Variants in PIK3C2B observed in about 807,000 individuals in gnomAD.
PIK3C2B encodes the protein phosphatidylinositol 4-phosphate 3-kinase C2 domain-containing subunit beta.
PIK3C2B carries 83 observed loss-of-function variants against 184.3 expected under a neutral mutation model. That is an observed-to-expected ratio of 0.45 (90% CI 0.38 to 0.54). The LOEUF (loss-of-function observed/expected upper bound fraction) is 0.54, where lower values mean the gene tolerates loss of function less well. PIK3C2B is among the 20% of genes least tolerant of loss of function. The pLI is 0.00. For synonymous variants in PIK3C2B, 779 were observed against 837.6 expected (o/e 0.93, Z 1.21); for missense variants, 1,736 against 2,113.5 (o/e 0.82, Z 3.50).
At chr1:204,440,427 C>A (rs1675587515) in intron 21 of PIK3C2B, 106 bp from the exon 22 acceptor site, 1 of 1,220,714 alleles carries the variant, frequency 8.2e-7, no homozygotes, top group Non-Finnish European at 1.1e-6. Context: ...ACAGGGAGTT[C>A]CCCAGCCTCA....
chr1:204,484,008 G>A (rs767911718), intron 1 of PIK3C2B, among the ~76,000 whole-genome samples: 3 of 152,272 alleles, frequency 2.0e-5, no homozygotes, highest in Non-Finnish European at 4.4e-5. Flanking sequence ...CACCTTTCCC[G>A]TGTATGTGCC....
chr1:204,436,630 CTG>C (rs1558236237), intron 23 of PIK3C2B, among the ~76,000 whole-genome samples: 1 of 152,192 alleles, frequency 6.6e-6, no homozygotes, highest in African/African-American at 2.4e-5. Flanking sequence ...TAGTTTCTCT[CTG>C]TGTGTATTCT....
Position 204,424,606 on chromosome 1 carries a change from T to G in PIK3C2B, c.*246A>C. ...TTGACACAAGGTAAACTTAAAACTT[T>G]GCTGCAACCTCACAGCCTCCAAGGG... is the stretch of plus-strand genomic sequence containing the variant. On this transcript the variant is annotated 3_prime_UTR_variant, in exon 33 of 33. Coordinates refer to ENST00000684373, the MANE Select transcript of PIK3C2B (RefSeq NM_001377334.1). 2.9e-6 allele frequency: 2 copies of G among 694,584 alleles called. No individual in the cohort carries two copies. The highest frequency in any genetic ancestry group is 2.7e-5 in the South Asian group (2 of 73,032). The allele number at this position is 694,584 out of a possible 1,614,324, so 43.0% of individuals were successfully genotyped here.
At chr1:204,465,933 G>A (rs1053595568) in intron 2 of PIK3C2B, among the ~76,000 whole-genome samples, 1 of 152,246 alleles carries the variant, frequency 6.6e-6, no homozygotes, top group African/African-American at 2.4e-5. Flanking sequence ...CCTGGTAGAA[G>A]CTTGGCTCCT....
chr1:204,428,689 G>A (rs1322542150), intron 29 of PIK3C2B, among the ~76,000 whole-genome samples: 1 of 151,960 alleles, frequency 6.6e-6, no homozygotes, highest in African/African-American at 2.4e-5. Context: ...AGACATGTTG[G>A]CCAGGCTGGT....
intron 1 of PIK3C2B, among the ~76,000 whole-genome samples, chr1:204,472,214 A>C (rs1490801653): frequency 6.7e-6 from 1 of 148,578 alleles, no homozygotes; most frequent in African/African-American, 2.5e-5. Flanking sequence ...CCCAGGCTGG[A>C]GTGCAGTGGC....
At chr1:204,479,994 C>T (rs895860089) in intron 1 of PIK3C2B, among the ~76,000 whole-genome samples, 6 of 152,188 alleles carry the variant, frequency 3.9e-5, no homozygotes, top group Admixed American at 3.9e-4. Flanking sequence ...GAGGAGCTGC[C>T]TCCGCAGGTC....
chr1:204,479,438 C>T (rs566375369), intron 1 of PIK3C2B, among the ~76,000 whole-genome samples: 7 of 152,258 alleles, frequency 4.6e-5, no homozygotes, highest in Non-Finnish European at 1.0e-4. Context: ...AGGAGACCAC[C>T]GAGGGAACTT....
intron 1 of PIK3C2B, chr1:204,489,969 G>A (rs2103542216): frequency 5.0e-6 from 2 of 396,694 alleles, no homozygotes; most frequent in East Asian, 7.1e-5. Flanking sequence ...TGGCTGGAGA[G>A]AATGCTTCCA....
Position 204,445,941 on chromosome 1 carries a change from G to T in PIK3C2B, c.2678+15C>A. On this transcript the variant is annotated intron_variant, in intron 16 of 32. Transcript: ENST00000684373. ...CAAGAACACATAGTCAGAAAAGGCA[G>T]ATGTTACAACTCACGTGGCATGCAG... The T allele has an allele frequency of 6.8e-7, 1 of 1,479,346 alleles. No homozygotes were observed. Among genetic ancestry groups the T allele is most frequent in the Non-Finnish European group, 9.1e-7 (1 of 1,102,426 alleles). The allele number at this position is 1,479,346 out of a possible 1,614,324, so 91.6% of individuals were successfully genotyped here.
At chr1:204,432,176 G>A (rs1418064274) in intron 27 of PIK3C2B, 24 bp downstream of exon 27, 3 of 1,600,674 alleles carry the variant, frequency 1.9e-6, no homozygotes, top group African/African-American at 2.7e-5. Flanking sequence ...CAGGAAAGGG[G>A]GTCAGATTGG....
intron 29 of PIK3C2B, among the ~76,000 whole-genome samples, chr1:204,429,283 A>C (rs534608195): frequency 6.6e-6 from 1 of 152,264 alleles, no homozygotes; most frequent in East Asian, 1.9e-4. Context: ...GGGAAAAAAA[A>C]CACATACTCT....
At chr1:204,466,015 C>G (rs1655749557) in intron 2 of PIK3C2B, among the ~76,000 whole-genome samples, 3 of 152,236 alleles carry the variant, frequency 2.0e-5, no homozygotes, top group Admixed American at 2.0e-4. Context: ...CTTCCTCTCT[C>G]AAAATACGTG....
chr1:204,425,720 C>A lies in PIK3C2B; in HGVS notation c.4609G>T (p.Asp1537Tyr), dbSNP rs1674706977. 2 of 1,613,838 alleles carry A rather than the reference C, an allele frequency of 1.2e-6. No individual in the cohort carries two copies. The highest frequency in any genetic ancestry group is 2.2e-5 in the South Asian group (2 of 91,068). ...TAAATTTTCACATAGGGGTCAGGGT[C>A]ATTTCCATCCTGGAGCAGTTGCTAC... ...RGLQLLQDGN[D>Y]PDPYVKIYLL... Residue 1537 changes from aspartate to tyrosine, a missense_variant, in exon 32 of 33, where the codon GAC becomes TAC. Physicochemically the swap from Asp to Tyr is radical, Grantham distance 160. Around this residue, in one of 8 missense-constraint regions of PIK3C2B, gnomAD observed 95 missense variants for 164.2 expected, o/e 0.58. Coordinates refer to ENST00000684373, the MANE Select transcript of PIK3C2B (RefSeq NM_001377334.1).
intron 1 of PIK3C2B, among the ~76,000 whole-genome samples, chr1:204,483,458 T>C (rs1473444035): frequency 7.1e-6 from 1 of 140,122 alleles, no homozygotes; most frequent in East Asian, 2.1e-4. Flanking sequence ...TCACTTTTAT[T>C]CTCAGTGTCT....
chr1:204,474,463 C>T (rs1420887150), intron 1 of PIK3C2B, among the ~76,000 whole-genome samples: 2 of 152,234 alleles, frequency 1.3e-5, no homozygotes, highest in Non-Finnish European at 2.9e-5. Flanking sequence ...AATGCCTGGG[C>T]TGCCCATTTC....
intron 21 of PIK3C2B, among the ~76,000 whole-genome samples, chr1:204,440,740 G>C (rs1310253449): frequency 6.7e-6 from 1 of 148,944 alleles, no homozygotes; most frequent in African/African-American, 2.5e-5. Flanking sequence ...GGAATTACAG[G>C]TGCCTGCCAC....
chr1:204,433,619 G>A lies in PIK3C2B; in HGVS notation c.3843+174C>T, dbSNP rs1010308730. On this transcript the variant is annotated intron_variant, in intron 25 of 32. Transcript: ENST00000684373. The surrounding 1 kb of genome is among the most constrained non-coding windows in gnomAD (Gnocchi z 5.0). ...GAGCAGGGAGTCAGGCACCTACACA[G>A]ACATCATTGTCCTCAGGTAGTCTGG... Among the ~76,000 whole-genome samples the A allele has an allele frequency of 1.3e-5, 2 of 152,200 alleles. No homozygotes were observed. The highest frequency in any genetic ancestry group is 2.9e-5 in the Non-Finnish European group (2 of 68,034).
At position 204,475,608 on chromosome 1, in the gene PIK3C2B, G is replaced by A. The variant is rs182270989; in HGVS notation, c.-84-5722C>T. On this transcript the variant is annotated intron_variant, in intron 1 of 32. Coordinates refer to ENST00000684373, the MANE Select transcript of PIK3C2B (RefSeq NM_001377334.1). ...GGTTGGATTGGCATCTGTAAGGCAG[G>A]GGCAAGGATGGCAAGAAAACCACAC... is the stretch of plus-strand genomic sequence containing the variant. 7.1e-3 allele frequency among the ~76,000 whole-genome samples: 1,076 copies of A among 152,246 alleles called. 6 individuals carry two copies. Among genetic ancestry groups the A allele is most frequent in the Middle Eastern group, 0.017 (5 of 294 alleles).
Sources: gnomAD v4.1 joint callset for allele counts (sites outside exome capture counted in the v4.1 genomes callset) on GRCh38, gnomAD v4.1.1 for gene constraint, gnomAD v4.1.1 regional missense constraint, Gnocchi (gnomAD v3.1) non-coding constraint, MANE v1.5 for transcripts, NCBI Gene and HGNC (gene_info 2026-07-23, HGNC 2026-07-21) for gene names.